The following SCN8A variants were observed in gnomAD, a reference collection of about 807,000 sequenced individuals.
The protein encoded by SCN8A is sodium voltage-gated channel alpha subunit 8.
SCN8A carries 30 observed loss-of-function variants against 184.1 expected under a neutral mutation model. The ratio of observed to expected loss-of-function variants is 0.16; its 90% CI spans 0.12 to 0.22. SCN8A has a LOEUF of 0.22. Ranked by LOEUF, SCN8A falls within the 10% of genes least tolerant of loss-of-function variation. The probability of loss-of-function intolerance (pLI) is 1.00; values close to 1 mark genes in which losing one functional copy is unlikely to be tolerated. For missense variants in SCN8A, 1,057 were observed against 2,498.9 expected (o/e 0.42, Z 12.30); for synonymous variants, 852 against 907.0 (o/e 0.94, Z 1.09).
intron 1 of SCN8A, among the ~76,000 whole-genome samples, chr12:51,644,943 T>C (rs1406111768): frequency 6.9e-6 from 1 of 144,032 alleles, no homozygotes; most frequent in African/African-American, 2.6e-5. Context: ...GTCTGAGAAG[T>C]GAGGAGCCCC....
At chr12:51,747,132 T>TGTGTGTGTGTGTGTG (rs59759909) in intron 13 of SCN8A, among the ~76,000 whole-genome samples, 8 of 139,406 alleles carry the variant, frequency 5.7e-5, no homozygotes, top group South Asian at 2.3e-4. Flanking sequence ...TGTGTGTGTG[T>TGTGTGTGTGTGTGTG]TGGGGAGGGG....
At chr12:51,772,386 A>G (rs894918752) in intron 19 of SCN8A, among the ~76,000 whole-genome samples, 1 of 84,982 alleles carries the variant, frequency 1.2e-5, no homozygotes, top group African/African-American at 4.3e-5. Flanking sequence ...CAAGAGCGAA[A>G]CTCCATCTCA....
intron 7 of SCN8A, 62 bp from the exon 8 acceptor site, chr12:51,701,082 A>G: frequency 8.8e-7 from 1 of 1,140,524 alleles, no homozygotes; most frequent in Middle Eastern, 1.9e-4. Flanking sequence ...GAACAGTGTA[A>G]CCTTATTCTC....
chr12:51,749,482 T>G (rs943793876), intron 13 of SCN8A, among the ~76,000 whole-genome samples: 1 of 152,172 alleles, frequency 6.6e-6, no homozygotes, highest in African/African-American at 2.4e-5. Flanking sequence ...TTTCCAAATA[T>G]GTACTGTAAG....
Position 51,721,743 on chromosome 12 carries a change from G to T in SCN8A, c.1833G>T (p.Arg611=), listed in dbSNP as rs35242963. 4,074 of 1,607,236 alleles carry T rather than the reference G, an allele frequency of 2.5e-3. 81 individuals carry two copies. In the African/African-American group the frequency reaches 0.048, roughly 19 times the overall value. Reference sequence around the variant, plus strand: ...TCCCCATCCGGGCCCGCGAGCGCCGGAGCAGCTACAGCGGCTACAGCGGCT... The same window carrying T: ...TCCCCATCCGGGCCCGCGAGCGCCGTAGCAGCTACAGCGGCTACAGCGGCT... ...LFIPIRARER[R]SSYSGYSGYS... The change falls in exon 12 of 27, where the codon CGG becomes CGT. Residue 611 remains arginine, a synonymous_variant. Transcript: ENST00000627620.
At chr12:51,697,833 G>A (rs1941619683) in intron 6 of SCN8A, among the ~76,000 whole-genome samples, 2 of 151,990 alleles carry the variant, frequency 1.3e-5, no homozygotes, top group South Asian at 4.1e-4. Flanking sequence ...AGTTTTTTTT[G>A]TTTTTGTTTT....
At chr12:51,716,844 TC>T (rs1220998943) in intron 11 of SCN8A, among the ~76,000 whole-genome samples, 2 of 152,154 alleles carry the variant, frequency 1.3e-5, no homozygotes, top group African/African-American at 4.8e-5. Context: ...CATGTACAGA[TC>T]AACCAGTCCA....
rs761093069 is a variant in SCN8A, at chr12:51,806,699, A to G, written c.5213A>G (p.Asn1738Ser). ...AGTGGCTTTAAGGGAGATTGTGGGA[A>G]CCCCTCAGTGGGCATCTTCTTCTTT... ...PGSGFKGDCG[N>S]PSVGIFFFVS... Residue 1738 changes from asparagine to serine, a missense_variant, in exon 27 of 27, where the codon AAC becomes AGC. Asn to Ser is a conservative substitution (Grantham distance 46, BLOSUM62 1). This residue lies in a region of SCN8A where 21 missense variants were observed against 42.3 expected (regional missense o/e 0.50). Transcript: ENST00000627620. This position sits in a 1 kb window ranked among gnomAD's most constrained non-coding sequence, Gnocchi z 8.7. 1.2e-6 allele frequency: 2 copies of G among 1,613,936 alleles called. No homozygotes were observed. The highest frequency in any genetic ancestry group is 4.5e-5 in the East Asian group (2 of 44,866).
intron 1 of SCN8A, among the ~76,000 whole-genome samples, chr12:51,632,748 G>A (rs1350858609): frequency 6.6e-6 from 1 of 152,126 alleles, no homozygotes; most frequent in African/African-American, 2.4e-5. Flanking sequence ...GAGAATTCAT[G>A]ATGAGTACAC....
At chr12:51,731,574 TG>T (rs1942243477) in intron 12 of SCN8A, among the ~76,000 whole-genome samples, 1 of 152,334 alleles carries the variant, frequency 6.6e-6, no homozygotes, top group Admixed American at 6.5e-5. Context: ...TCTTTTCTTT[TG>T]GGCATATACC....
chr12:51,628,389 C>T (rs1165878250), intron 1 of SCN8A, among the ~76,000 whole-genome samples: 1 of 152,348 alleles, frequency 6.6e-6, no homozygotes, highest in East Asian at 1.9e-4. Flanking sequence ...GAAGAAATCT[C>T]TGAGGCTACT....
chr12:51,648,650 C>T (rs544409694), intron 1 of SCN8A, among the ~76,000 whole-genome samples: 10 of 152,136 alleles, frequency 6.6e-5, no homozygotes, highest in Non-Finnish European at 1.0e-4. Flanking sequence ...CACTAGATCT[C>T]GTGAGACTTA....
At chr12:51,693,413 G>A (rs1484361511) in intron 6 of SCN8A, among the ~76,000 whole-genome samples, 2 of 152,164 alleles carry the variant, frequency 1.3e-5, no homozygotes, top group Non-Finnish European at 2.9e-5. Flanking sequence ...ATCAGGTCTC[G>A]AGTAAATAAA....
chr12:51,637,241 T>C (rs993270340), intron 1 of SCN8A, among the ~76,000 whole-genome samples: 1 of 152,170 alleles, frequency 6.6e-6, no homozygotes, highest in Admixed American at 6.5e-5. Flanking sequence ...CTCTTTTCCC[T>C]GAGACACAAC....
At chr12:51,682,502 A>T (rs1592376621) in intron 2 of SCN8A, among the ~76,000 whole-genome samples, 1 of 152,152 alleles carries the variant, frequency 6.6e-6, no homozygotes, top group Admixed American at 6.5e-5. Flanking sequence ...ATCCCATGTG[A>T]GAGAGAGACT....
chr12:51,760,423 G>A (rs1216884562), intron 14 of SCN8A, among the ~76,000 whole-genome samples: 1 of 152,178 alleles, frequency 6.6e-6, no homozygotes, highest in Non-Finnish European at 1.5e-5. Context: ...CTGGTGATAG[G>A]CAACACCACA....
intron 20 of SCN8A, among the ~76,000 whole-genome samples, chr12:51,776,560 C>A (rs992544487): frequency 6.6e-6 from 1 of 152,250 alleles, no homozygotes; most frequent in African/African-American, 2.4e-5. Context: ...GGGGAGCTTA[C>A]ACTAGCTTCC....
At chr12:51,642,906 C>T (rs903489061) in intron 1 of SCN8A, among the ~76,000 whole-genome samples, 7 of 152,064 alleles carry the variant, frequency 4.6e-5, no homozygotes, top group Admixed American at 2.6e-4. Context: ...GGCCTGTTAG[C>T]GATTGATTCA....
At chr12:51,686,578 A>G in intron 4 of SCN8A, 121 bp downstream of exon 4, 2 of 670,184 alleles carry the variant, frequency 3.0e-6, no homozygotes, top group South Asian at 3.7e-5. Context: ...TCTTTATTTC[A>G]CAGAGAAGGC....
Sources: gnomAD v4.1 joint callset for allele counts (sites outside exome capture counted in the v4.1 genomes callset) on GRCh38, gnomAD v4.1.1 for gene constraint, gnomAD v4.1.1 regional missense constraint, Gnocchi (gnomAD v3.1) non-coding constraint, MANE v1.5 for transcripts, NCBI Gene and HGNC (gene_info 2026-07-23, HGNC 2026-07-21) for gene names.